Variants in TACC2 observed in about 807,000 individuals in gnomAD.
TACC2 encodes the protein transforming acidic coiled-coil containing protein 2, also known as transforming acidic coiled-coil-containing protein 2.
In TACC2, 137 loss-of-function variants were observed where a neutral mutation model predicts 227.3. That is an observed-to-expected ratio of 0.60 (90% CI 0.52 to 0.69). The LOEUF is 0.69. Ranked by LOEUF, TACC2 falls within the 30% of genes least tolerant of loss-of-function variation. The pLI is 0.00. For synonymous variants in TACC2, 1,523 were observed against 1,487.5 expected (o/e 1.02, Z -0.55); for missense variants, 3,470 against 3,694.4 (o/e 0.94, Z 1.57).
In TACC2 at chr10:122,052,635, A is replaced by T. The variant is rs369138487; in HGVS notation, c.146+2085A>T. 4.0e-5 allele frequency: 6 copies of T among 149,582 alleles called. No individual in the cohort carries two copies. In the East Asian group the frequency reaches 1.2e-3, roughly 30 times the overall value. The allele number at this position is 149,582 out of a possible 1,614,324, so 9.3% of individuals were successfully genotyped here. ...GAGGTGGAGGTTGCAGTGAGCCGAG[A>T]TCGTACCACTGCGCTCCAGCCTGGG... On this transcript the variant is annotated intron_variant, in intron 3 of 22. Transcript: ENST00000369005.
chr10:122,209,358 A>G lies in TACC2; in HGVS notation c.5972-1039A>G, dbSNP rs550828571. Among the ~76,000 whole-genome samples, 2 of 152,208 alleles carry G rather than the reference A, an allele frequency of 1.3e-5. No homozygotes were observed. Among genetic ancestry groups the G allele is most frequent in the South Asian group, 4.1e-4 (2 of 4,826 alleles). ...TTGCTGGTGGCCGTGGCTAGTATGA[A>G]TATTTATGGAAGCCTCCGTATGCCT... On this transcript the variant is annotated intron_variant, in intron 8 of 22. Transcript: ENST00000369005. This position sits in a 1 kb window ranked among gnomAD's most constrained non-coding sequence, Gnocchi z 4.5.
chr10:122,013,783 C>G (rs1486877655), intron 1 of TACC2, among the ~76,000 whole-genome samples: 1 of 152,118 alleles, frequency 6.6e-6, no homozygotes, highest in East Asian at 1.9e-4. Flanking sequence ...CCTGTAGGGC[C>G]CTGGTCGAGA....
chr10:122,166,994 T>C (rs917570932), intron 7 of TACC2, among the ~76,000 whole-genome samples: 11 of 152,212 alleles, frequency 7.2e-5, no homozygotes, highest in Non-Finnish European at 1.3e-4. Context: ...GGCAGCCCCA[T>C]GTGGTGTGGC....
intron 16 of TACC2, among the ~76,000 whole-genome samples, chr10:122,235,147 C>T (rs912207033): frequency 1.3e-5 from 2 of 152,156 alleles, no homozygotes; most frequent in Non-Finnish European, 2.9e-5. Context: ...AGTGCAGTGG[C>T]GCGATCTCAG....
chr10:122,042,394 C>T (rs1166294777), intron 2 of TACC2, among the ~76,000 whole-genome samples: 1 of 152,110 alleles, frequency 6.6e-6, no homozygotes, highest in Non-Finnish European at 1.5e-5. Context: ...AGGTCCCTGC[C>T]ACCATGCCCA....
At chr10:122,145,859 G>C (rs1470737673) in intron 7 of TACC2, among the ~76,000 whole-genome samples, 3 of 152,092 alleles carry the variant, frequency 2.0e-5, no homozygotes, top group African/African-American at 7.2e-5. Context: ...GTCATAGAAG[G>C]CACACTGGGT....
At chr10:122,117,592 A>G (rs2084939855) in intron 5 of TACC2, among the ~76,000 whole-genome samples, 1 of 152,164 alleles carries the variant, frequency 6.6e-6, no homozygotes, top group Non-Finnish European at 1.5e-5. Context: ...ACCTGGGGAG[A>G]AATAAATGGA....
At chr10:122,243,367 G>T (rs902766122) in intron 19 of TACC2, among the ~76,000 whole-genome samples, 3 of 152,152 alleles carry the variant, frequency 2.0e-5, no homozygotes, top group African/African-American at 4.8e-5. Flanking sequence ...CAAGCATATG[G>T]ATGTATGAGT....
At chr10:122,098,562 G>A (rs757033525) in intron 5 of TACC2, among the ~76,000 whole-genome samples, 4 of 152,166 alleles carry the variant, frequency 2.6e-5, no homozygotes, top group South Asian at 2.1e-4. Context: ...TTGCCTGAAA[G>A]ATGTGTATAA....
At position 122,083,790 on chromosome 10, in the gene TACC2, T is replaced by G. The variant is rs754640237; in HGVS notation, c.1290T>G (p.Ile430Met). 1.2e-6 allele frequency: 2 copies of G among 1,614,148 alleles called. No homozygotes were observed. Among genetic ancestry groups the G allele is most frequent in the Non-Finnish European group, 1.7e-6 (2 of 1,180,032 alleles). ...SSLASFPAAQ[I>M]PIAVEEPGSS... ...TCGCTTCATTCCCAGCTGCTCAGAT[T>G]CCTATTGCTGTAGAAGAACCTGGAT... is the stretch of plus-strand genomic sequence containing the variant. Residue 430 changes from isoleucine to methionine, a missense_variant, in exon 4 of 23, where the codon ATT (isoleucine) becomes ATG (methionine). Transcript: ENST00000369005.
At chr10:122,127,603 T>C (rs1466808847) in intron 5 of TACC2, among the ~76,000 whole-genome samples, 1 of 152,158 alleles carries the variant, frequency 6.6e-6, no homozygotes, top group Non-Finnish European at 1.5e-5. Context: ...TGACAGATTT[T>C]TTTTTTCCTC....
Position 122,085,774 on chromosome 10 carries a change from C to T in TACC2, c.3274C>T (p.Pro1092Ser). ...CDETQEGRQQ[P>S]VPAPQQKMEC... The stretch of plus-strand genomic sequence containing the variant: ...TGAAACCCAGGAAGGCAGGCAGCAA[C>T]CAGTGCCGGCCCCGCAGCAGAAAAT... Residue 1092 changes from proline (P) to serine (S), a missense_variant, in exon 4 of 23, where the codon CCA becomes TCA. Transcript: ENST00000369005. 1 of 1,613,840 alleles carries T rather than the reference C, an allele frequency of 6.2e-7. No individual in the cohort carries two copies. Among genetic ancestry groups the T allele is most frequent in the Non-Finnish European group, 8.5e-7 (1 of 1,179,964 alleles).
intron 2 of TACC2, among the ~76,000 whole-genome samples, chr10:122,038,866 C>T (rs1565133421): frequency 6.6e-6 from 1 of 152,176 alleles, no homozygotes; most frequent in Non-Finnish European, 1.5e-5. Flanking sequence ...TACTCAGTTA[C>T]AGCATCATTG....
At position 122,132,695 on chromosome 10, in the gene TACC2, ATGT is replaced by A. The variant is rs753935010; in HGVS notation, c.5666_5668del (p.Val1889del). 5 of 1,614,078 alleles carry A rather than the reference ATGT, an allele frequency of 3.1e-6. No homozygotes were observed. The highest frequency in any genetic ancestry group is 4.2e-6 in the Non-Finnish European group (5 of 1,180,014). On this transcript the variant is annotated inframe_deletion, in exon 6 of 23. Transcript: ENST00000369005. ...TTAGCTGCCTCTTCCTACCACGGTG[ATGT>A]TGTTGGCCAGGTCTCTACGGATCTG...
chr10:122,091,873 G>T (rs1016721063), intron 5 of TACC2, among the ~76,000 whole-genome samples: 1 of 152,182 alleles, frequency 6.6e-6, no homozygotes, highest in Non-Finnish European at 1.5e-5. Flanking sequence ...TCAGGGACAG[G>T]TCTCTGAATT....
chr10:122,037,345 A>G (rs190722866), intron 2 of TACC2, among the ~76,000 whole-genome samples: 28 of 152,346 alleles, frequency 1.8e-4, no homozygotes, highest in Middle Eastern at 3.4e-3. Flanking sequence ...GTACAAAGCC[A>G]TGGTGATAAA....
At chr10:122,016,401 T>C (rs1956636452) in intron 1 of TACC2, among the ~76,000 whole-genome samples, 2 of 151,866 alleles carry the variant, frequency 1.3e-5, no homozygotes, top group Admixed American at 1.3e-4. Context: ...ACCCCGTCTC[T>C]ACTAAAACTA....
chr10:122,043,274 A>G (rs1271909958), intron 2 of TACC2, among the ~76,000 whole-genome samples: 1 of 152,162 alleles, frequency 6.6e-6, no homozygotes, highest in Non-Finnish European at 1.5e-5. Flanking sequence ...CACCTCTTAC[A>G]TCTTTGAGGT....
intron 3 of TACC2, among the ~76,000 whole-genome samples, chr10:122,081,570 T>C (rs529824222): frequency 6.7e-6 from 1 of 149,386 alleles, no homozygotes; most frequent in South Asian, 2.1e-4. Context: ...CTGTGTAGAA[T>C]TGAGCAACAT....
Sources: gnomAD v4.1 joint callset for allele counts (sites outside exome capture counted in the v4.1 genomes callset) on GRCh38, gnomAD v4.1.1 for gene constraint, Gnocchi (gnomAD v3.1) non-coding constraint, MANE v1.5 for transcripts, NCBI Gene and HGNC (gene_info 2026-07-23, HGNC 2026-07-21) for gene names.